FGF10: variants seen among roughly 807,000 people sequenced by gnomAD.
FGF10 encodes FGF-10.
FGF10 carries 2 observed loss-of-function variants against 19.8 expected under a neutral mutation model. The observed-to-expected ratio is 0.10, with a 90% CI of 0.04 to 0.32. The LOEUF (loss-of-function observed/expected upper bound fraction) is 0.32. FGF10 is among the 10% of genes least tolerant of loss of function. The pLI is 1.00. For missense variants in FGF10, 191 were observed against 246.3 expected (o/e 0.78, Z 1.50); for synonymous variants, 112 against 94.0 (o/e 1.19, Z -1.10).
At chr5:44,310,943 G>A (rs1276231962) in intron 1 of FGF10, among the ~76,000 whole-genome samples, 2 of 152,036 alleles carry the variant, frequency 1.3e-5, no homozygotes, top group Non-Finnish European at 2.9e-5. Context: ...TGTAGCACAT[G>A]TCAATAATAT....
rs899064229 is a variant in FGF10, at chr5:44,388,749, A to G, written c.-67T>C. On this transcript the variant is annotated 5_prime_UTR_variant, in exon 1 of 3. Coordinates refer to ENST00000264664, the MANE Select transcript of FGF10 (RefSeq NM_004465.2). ...GAACATACTGGAAGGGTAAGACCCG[A>G]TGCAAGGCAAGGAGAGAGCTCGAGG... 5 of 1,546,574 alleles carry G rather than the reference A, an allele frequency of 3.2e-6. No homozygotes were observed. Among genetic ancestry groups the G allele is most frequent in the Non-Finnish European group, 4.5e-6 (5 of 1,123,468 alleles).
At chr5:44,339,675 G>T (rs1192720796) in intron 1 of FGF10, among the ~76,000 whole-genome samples, 1 of 151,988 alleles carries the variant, frequency 6.6e-6, no homozygotes, top group African/African-American at 2.4e-5. Context: ...TATCTTCAAG[G>T]TTTCCTCTGG....
chr5:44,365,928 C>A (rs1477138043), intron 1 of FGF10, among the ~76,000 whole-genome samples: 1 of 151,754 alleles, frequency 6.6e-6, no homozygotes, highest in African/African-American at 2.4e-5. Context: ...ATAGTTGGGG[C>A]ACCACTGACC....
At chr5:44,318,886 AC>A (rs1561199716) in intron 1 of FGF10, among the ~76,000 whole-genome samples, 1 of 152,196 alleles carries the variant, frequency 6.6e-6, no homozygotes, top group African/African-American at 2.4e-5. Context: ...TTTAAAAAAT[AC>A]TTGTTATTTT....
intron 1 of FGF10, among the ~76,000 whole-genome samples, chr5:44,318,024 T>C (rs1740389902): frequency 6.6e-6 from 1 of 152,080 alleles, no homozygotes; most frequent in Admixed American, 6.6e-5. Flanking sequence ...AAGCTTGTGT[T>C]CCCCTGGAGA....
At chr5:44,349,445 T>TATATATATATATATATCAGA (rs1561210271) in intron 1 of FGF10, among the ~76,000 whole-genome samples, 5 of 13,846 alleles carry the variant, frequency 3.6e-4, no homozygotes, top group Admixed American at 1.3e-3. Flanking sequence ...TATATATATA[T>TATATATATATATATATCAGA]ATATATATAT....
intron 1 of FGF10, among the ~76,000 whole-genome samples, chr5:44,336,398 A>G (rs1182154037): frequency 1.3e-5 from 2 of 152,112 alleles, no homozygotes; most frequent in Admixed American, 1.3e-4. Context: ...TAATATTCAG[A>G]GATAATCAGT....
intron 1 of FGF10, among the ~76,000 whole-genome samples, chr5:44,336,545 A>G (rs1740857910): frequency 6.6e-6 from 1 of 152,108 alleles, no homozygotes; most frequent in Non-Finnish European, 1.5e-5. Flanking sequence ...GTCTCATGGA[A>G]AGATTTCTCT....
intron 1 of FGF10, among the ~76,000 whole-genome samples, chr5:44,329,408 C>A (rs1484833365): frequency 6.6e-6 from 1 of 152,088 alleles, no homozygotes; most frequent in African/African-American, 2.4e-5. Context: ...AACTTCTGAC[C>A]TCTTGATCCT....
chr5:44,315,946 G>A (rs1475979698), intron 1 of FGF10, among the ~76,000 whole-genome samples: 1 of 152,168 alleles, frequency 6.6e-6, no homozygotes, highest in East Asian at 1.9e-4. Context: ...TATGGGAACT[G>A]TAATGTCCCA....
chr5:44,355,300 C>T (rs1741321259), intron 1 of FGF10, among the ~76,000 whole-genome samples: 1 of 151,030 alleles, frequency 6.6e-6, no homozygotes, highest in South Asian at 2.1e-4. Flanking sequence ...CTTCAAAAGG[C>T]AGTATATAAA....
At position 44,302,892 on chromosome 5, in the gene FGF10, C is replaced by T. The variant is rs1260389263; in HGVS notation, c.*2103G>A. Among the ~76,000 whole-genome samples, 1 of 151,998 alleles carries T rather than the reference C, an allele frequency of 6.6e-6. No homozygotes were observed. Among genetic ancestry groups the T allele is most frequent in the Non-Finnish European group, 1.5e-5 (1 of 68,002 alleles). On this transcript the variant is annotated 3_prime_UTR_variant, in exon 3 of 3. Coordinates refer to ENST00000264664, the MANE Select transcript of FGF10 (RefSeq NM_004465.2). Reference sequence around the variant, plus strand: ...CTGTGGTCATCCAATGTGTATTTGTCTTACCAAACATTTAATTTTGGTTGT... The same window carrying T: ...CTGTGGTCATCCAATGTGTATTTGTTTTACCAAACATTTAATTTTGGTTGT...
At chr5:44,378,686 C>T (rs1235083032) in intron 1 of FGF10, among the ~76,000 whole-genome samples, 2 of 152,168 alleles carry the variant, frequency 1.3e-5, no homozygotes, top group Non-Finnish European at 2.9e-5. Context: ...CCTCCTCGGC[C>T]TCCAAAAGTG....
chr5:44,377,826 C>T (rs887821982), intron 1 of FGF10, among the ~76,000 whole-genome samples: 1 of 152,128 alleles, frequency 6.6e-6, no homozygotes, highest in Non-Finnish European at 1.5e-5. Flanking sequence ...ATACACACAG[C>T]CTGGAAGTAA....
In FGF10 at chr5:44,330,471, A is replaced by T. The variant is rs534589585; in HGVS notation, c.326-19941T>A. Among the ~76,000 whole-genome samples, 11 of 152,358 alleles carry T rather than the reference A, an allele frequency of 7.2e-5. No homozygotes were observed. The South Asian group carries it at 2.3e-3, about 32-fold the overall frequency. On this transcript the variant is annotated intron_variant, in intron 1 of 2. Coordinates refer to ENST00000264664, the MANE Select transcript of FGF10 (RefSeq NM_004465.2). ...CTTTTGGCATTAACTACCTTAAAAC[A>T]TTAAGATATCACCAGCAATTTGCCT...
intron 1 of FGF10, among the ~76,000 whole-genome samples, chr5:44,353,358 T>C (rs1362072899): frequency 6.6e-6 from 1 of 151,588 alleles, no homozygotes; most frequent in Non-Finnish European, 1.5e-5. Flanking sequence ...GCGTTTTCTT[T>C]TTTCTTTACA....
chr5:44,376,738 C>T (rs1024379155), intron 1 of FGF10, among the ~76,000 whole-genome samples: 16 of 151,478 alleles, frequency 1.1e-4, no homozygotes, highest in Non-Finnish European at 2.2e-4. Context: ...TTTCCATGTC[C>T]CTAGTATAAA....
intron 1 of FGF10, among the ~76,000 whole-genome samples, chr5:44,329,230 G>A (rs971209759): frequency 1.3e-5 from 2 of 152,170 alleles, no homozygotes; most frequent in African/African-American, 2.4e-5. Context: ...TGGCTGGAGT[G>A]CGCTAGTGCA....
chr5:44,329,009 T>C (rs550819978), intron 1 of FGF10, among the ~76,000 whole-genome samples: 1 of 152,102 alleles, frequency 6.6e-6, no homozygotes, highest in East Asian at 1.9e-4. Flanking sequence ...AATAAATAAA[T>C]AGCCTAAGAA....
Sources: allele counts gnomAD v4.1 joint callset (sites outside exome capture counted in the v4.1 genomes callset), GRCh38; gene constraint gnomAD v4.1.1; transcripts MANE v1.5; gene names NCBI Gene and HGNC (gene_info 2026-07-23, HGNC 2026-07-21).